Variants in KIAA1755 observed in about 807,000 individuals in gnomAD.
The protein encoded by KIAA1755 is uncharacterized protein KIAA1755.
KIAA1755 carries 68 observed loss-of-function variants against 91.7 expected under a neutral mutation model. That is an observed-to-expected ratio of 0.74 (90% CI 0.61 to 0.91). The LOEUF (loss-of-function observed/expected upper bound fraction) is 0.91. Ranked by LOEUF, KIAA1755 falls within the 40% of genes least tolerant of loss-of-function variation. The pLI, the probability that KIAA1755 is intolerant of heterozygous loss-of-function variation, is 0.00. For missense variants in KIAA1755, 1,535 were observed against 1,494.4 expected (o/e 1.03, Z -0.45); for synonymous variants, 610 against 604.6 (o/e 1.01, Z -0.13).
chr20:38,217,301 T>C lies in KIAA1755; in HGVS notation c.2853A>G (p.Gln951=), dbSNP rs1360463426. 6.2e-7 allele frequency: 1 copy of C among 1,608,712 alleles called. No individual in the cohort carries two copies. Among genetic ancestry groups the C allele is most frequent in the East Asian group, 2.2e-5 (1 of 44,666 alleles). Residue 951 remains glutamine, a synonymous_variant, in exon 13 of 14, where the codon CAA becomes CAG. Transcript: ENST00000279024. The part of the protein sequence containing the change: ...LTHFYMAAER[Q]RTDLETLLHL... ...GGAGCAGCGTCTCGAGGTCCGTGCG[T>C]TGCCGCTCGGCCGCCATGTAAAAGT...
chr20:38,255,579 T>C (rs1253673740), intron 1 of KIAA1755, among the ~76,000 whole-genome samples: 6 of 152,262 alleles, frequency 3.9e-5, no homozygotes, highest in Non-Finnish European at 5.9e-5. Context: ...ACACTCGTCC[T>C]GAACTTCTCC....
intron 5 of KIAA1755, among the ~76,000 whole-genome samples, chr20:38,230,039 A>G (rs2075832075): frequency 6.6e-6 from 1 of 152,186 alleles, no homozygotes; most frequent in Non-Finnish European, 1.5e-5. Context: ...CCCCAACAGC[A>G]GACCTCTAGG....
At chr20:38,246,257 C>G in intron 1 of KIAA1755, 131 bp from the exon 2 acceptor site, 1 of 711,120 alleles carries the variant, frequency 1.4e-6, no homozygotes, top group Non-Finnish European at 2.3e-6. Flanking sequence ...ACCCCACCCC[C>G]CTCACTCATC....
chr20:38,229,666 C>T (rs1568747252), intron 5 of KIAA1755, among the ~76,000 whole-genome samples: 1 of 152,200 alleles, frequency 6.6e-6, no homozygotes, highest in Non-Finnish European at 1.5e-5. Context: ...CACACAAGCA[C>T]CTGGTGTGCA....
intron 6 of KIAA1755, 45 bp from the exon 7 acceptor site, chr20:38,227,285 T>G: frequency 6.7e-7 from 1 of 1,481,808 alleles, no homozygotes; most frequent in South Asian, 1.1e-5. Flanking sequence ...CAAGGCTTCA[T>G]GAAGCCTCAC....
intron 5 of KIAA1755, among the ~76,000 whole-genome samples, chr20:38,229,822 G>A (rs372460447): frequency 2.0e-5 from 3 of 152,130 alleles, no homozygotes; most frequent in Admixed American, 1.3e-4. Context: ...ATAGCCAGTC[G>A]GTGGGATCCC....
At chr20:38,223,687 G>GATGC (rs771009549) in intron 8 of KIAA1755, 51 bp from the exon 9 acceptor site, 8 of 1,401,134 alleles carry the variant, frequency 5.7e-6, no homozygotes, top group East Asian at 4.9e-5. Flanking sequence ...CAACCAGGAG[G>GATGC]ATGCCTCTTG....
rs2076064185 is a variant in KIAA1755, at chr20:38,241,494, T to A, written c.637A>T (p.Ser213Cys). Reference protein sequence around the residue: ...PLPLEALDLSSPQELHQASSP... With the variant: ...PLPLEALDLSCPQELHQASSP... Reference sequence around the variant, plus strand: ...CTGGCCTGGTGCAACTCTTGAGGGCTGCTCAAATCCAGTGCCTCTAATGGA... The same window carrying A: ...CTGGCCTGGTGCAACTCTTGAGGGCAGCTCAAATCCAGTGCCTCTAATGGA... The change falls in exon 3 of 14, where the codon AGC becomes TGC. Residue 213 changes from serine to cysteine, a missense_variant. Ser to Cys is a moderately radical substitution (Grantham distance 112). Coordinates refer to ENST00000279024, the MANE Select transcript of KIAA1755 (RefSeq NM_001029864.2). The A allele has an allele frequency of 6.2e-7, 1 of 1,614,242 alleles. No homozygotes were observed.
At chr20:38,228,010 T>G in intron 6 of KIAA1755, 137 bp downstream of exon 6, 1 of 543,576 alleles carries the variant, frequency 1.8e-6, no homozygotes, top group Non-Finnish European at 3.1e-6. Context: ...AGGGCTGAGT[T>G]TTCTGTTGGC....
intron 1 of KIAA1755, 33 bp downstream of exon 1, chr20:38,260,465 C>T: frequency 1.3e-6 from 2 of 1,513,806 alleles, no homozygotes; most frequent in Non-Finnish European, 1.8e-6. Flanking sequence ...TGAAAGGGGG[C>T]AGAGCGAGGT....
intron 1 of KIAA1755, 104 bp downstream of exon 1, chr20:38,260,394 A>G (rs2076427639): frequency 1.0e-5 from 16 of 1,601,822 alleles, no homozygotes; most frequent in East Asian, 2.2e-5. Flanking sequence ...GGGTCGTCTC[A>G]GTGTAAAAGG....
chr20:38,232,508 G>T (rs1022673051), intron 4 of KIAA1755, among the ~76,000 whole-genome samples: 2 of 151,572 alleles, frequency 1.3e-5, no homozygotes, highest in African/African-American at 4.9e-5. Context: ...GGCGCCTGTA[G>T]TCCCAGCTAC....
In KIAA1755 at chr20:38,213,348, G is replaced by A; in HGVS notation, c.3297C>T (p.Gly1099=). Residue 1099 remains glycine, a synonymous_variant, in exon 14 of 14, where the codon GGC becomes GGT. Coordinates refer to ENST00000279024, the MANE Select transcript of KIAA1755 (RefSeq NM_001029864.2). The part of the protein sequence containing the change: ...RWDQPPLDSL[G]MDHLPKSYWP... ...AATAGGACTTTGGCAAATGGTCCAT[G>A]CCCAGTGAGTCTAGTGGAGGCTGAT... The A allele has an allele frequency of 6.2e-7, 1 of 1,610,996 alleles. No homozygotes were observed. The highest frequency in any genetic ancestry group is 8.5e-7 in the Non-Finnish European group (1 of 1,178,454).
At chr20:38,222,806 T>G in intron 9 of KIAA1755, 2 of 621,094 alleles carry the variant, frequency 3.2e-6, no homozygotes, top group Non-Finnish European at 5.8e-6. Flanking sequence ...CCAGCATCTC[T>G]TGCTGGGACA....
chr20:38,228,389 C>G, intron 5 of KIAA1755, 149 bp from the exon 6 acceptor site: 1 of 549,454 alleles, frequency 1.8e-6, no homozygotes, highest in Non-Finnish European at 3.0e-6. Flanking sequence ...AATGCCCCTT[C>G]TAGGAAGCCC....
At chr20:38,225,119 G>A (rs186669546) in intron 8 of KIAA1755, among the ~76,000 whole-genome samples, 32 of 152,136 alleles carry the variant, frequency 2.1e-4, no homozygotes, top group Non-Finnish European at 3.4e-4. Flanking sequence ...TCAGCCTCCC[G>A]AGTAGCTGGG....
intron 4 of KIAA1755, chr20:38,236,789 C>T (rs943904216): frequency 1.8e-4 from 27 of 152,146 alleles, no homozygotes; most frequent in African/African-American, 6.3e-4. Context: ...GGTGTGGAAA[C>T]AGGGAACACA....
chr20:38,260,548 G>A lies in KIAA1755; in HGVS notation c.-48C>T. On this transcript the variant is annotated 5_prime_UTR_variant, in exon 1 of 14. Coordinates refer to ENST00000279024, the MANE Select transcript of KIAA1755 (RefSeq NM_001029864.2). Reference sequence around the variant, plus strand: ...GCGGCGCGGCTCCTCTCCTGGGCGCGGGGTCTGTGGGTCCGCGGGTCCGTC... The same window carrying A: ...GCGGCGCGGCTCCTCTCCTGGGCGCAGGGTCTGTGGGTCCGCGGGTCCGTC... 3 of 1,481,896 alleles carry A rather than the reference G, an allele frequency of 2.0e-6. No individual in the cohort carries two copies. Among genetic ancestry groups the A allele is most frequent in the Non-Finnish European group, 2.7e-6 (3 of 1,119,204 alleles). 91.8% of individuals were successfully genotyped at this position (1,481,896 alleles called of 1,614,324 possible). A position where few individuals can be genotyped will look rare whatever the true frequency, so the allele number is the denominator to read the frequency against.
At chr20:38,234,411 C>A (rs2075921168) in intron 4 of KIAA1755, among the ~76,000 whole-genome samples, 1 of 152,178 alleles carries the variant, frequency 6.6e-6, no homozygotes. Flanking sequence ...TGAGATCCTG[C>A]AAGACTGAGA....
Sources: allele counts gnomAD v4.1 joint callset (sites outside exome capture counted in the v4.1 genomes callset), GRCh38; gene constraint gnomAD v4.1.1; transcripts MANE v1.5; gene names NCBI Gene and HGNC (gene_info 2026-07-23, HGNC 2026-07-21).